Variants in NAXE observed in about 807,000 individuals in gnomAD.
The protein encoded by NAXE is NAD(P)H-hydrate epimerase.
A neutral mutation model predicts 31.2 loss-of-function variants in NAXE; 25 were observed. That is an observed-to-expected ratio of 0.80 (90% CI 0.58 to 1.12). NAXE has a LOEUF of 1.12. Among genes scored for constraint, NAXE ranks in the 50% most tolerant of loss-of-function variants. The probability of loss-of-function intolerance (pLI) is 0.00; values close to 1 mark genes in which losing one functional copy is unlikely to be tolerated. For missense variants in NAXE, 362 were observed against 376.1 expected, an observed-to-expected ratio of 0.96 and a Z score of 0.31; for synonymous variants, 144 against 154.5, an observed-to-expected ratio of 0.93 and a Z score of 0.50.
rs1677338035 is a variant in NAXE at position 156,591,955 on chromosome 1, G to A, written c.151G>A (p.Val51Ile). 1 of 1,613,202 alleles carries A rather than the reference G, an allele frequency of 6.2e-7. No individual in the cohort carries two copies. Among genetic ancestry groups the A allele is most frequent in the African/African-American group, 1.3e-5 (1 of 75,050 alleles). ...LNSGGRWDSE[V>I]MASTVVKYLS... ...CTCGGGTGGCCGCTGGGACTCAGAGGTCATGGCGAGCACGGTGGTGAAGTA... is the reference window on the plus strand; with the variant it reads ...CTCGGGTGGCCGCTGGGACTCAGAGATCATGGCGAGCACGGTGGTGAAGTA... Residue 51 changes from valine to isoleucine, a missense_variant, in exon 1 of 6, where the codon GTC becomes ATC. Coordinates refer to ENST00000368235, the MANE Select transcript of NAXE (RefSeq NM_144772.3).
At position 156,594,173 on chromosome 1, in the gene NAXE, A is replaced by G; in HGVS notation, c.*89A>G. On this transcript the variant is annotated 3_prime_UTR_variant, in exon 6 of 6. Transcript: ENST00000368235. Reference sequence around the variant, plus strand: ...TTCCTGGGAGCTCCTCTGGCAATAAAAGTCAGTGAATGGTGGAAGTCAGAG... The same window carrying G: ...TTCCTGGGAGCTCCTCTGGCAATAAGAGTCAGTGAATGGTGGAAGTCAGAG... The G allele has an allele frequency of 7.1e-7, 1 of 1,406,276 alleles. No individual in the cohort carries two copies. Among genetic ancestry groups the G allele is most frequent in the Non-Finnish European group, 9.9e-7 (1 of 1,012,834 alleles). 87.1% of individuals were successfully genotyped at this position (1,406,276 alleles called of 1,614,324 possible).
At position 156,591,790 on chromosome 1, in the gene NAXE, C is replaced by G. The variant is rs1027353974; in HGVS notation, c.-15C>G. ...GGGGCCGGGCCGGGCCGGGGGCGCG[C>G]GCTCTGCGAGCTGGATGTCCAGGCT... is the stretch of plus-strand genomic sequence containing the variant. On this transcript the variant is annotated 5_prime_UTR_variant, in exon 1 of 6. Transcript: ENST00000368235. 1.4e-5 allele frequency: 21 copies of G among 1,537,542 alleles called. No individual in the cohort carries two copies. Among genetic ancestry groups the G allele is most frequent in the Non-Finnish European group, 1.7e-5 (19 of 1,151,222 alleles).
chr1:156,594,243 AG>A lies in NAXE; in HGVS notation c.*162del, dbSNP rs1388578131. On this transcript the variant is annotated 3_prime_UTR_variant, in exon 6 of 6. Coordinates refer to ENST00000368235, the MANE Select transcript of NAXE (RefSeq NM_144772.3). ...TGCCATCTCTCTAGGGGTAACACAAAGGGCAAGAGGTTGCTATGGTATTTGG... is the reference window on the plus strand; with the variant it reads ...TGCCATCTCTCTAGGGGTAACACAAAGGCAAGAGGTTGCTATGGTATTTGG... 1.3e-5 allele frequency: 9 copies of A among 680,106 alleles called. No individual in the cohort carries two copies. In the African/African-American group the frequency reaches 1.6e-4, roughly 12 times the overall value. 42.1% of individuals were successfully genotyped at this position (680,106 alleles called of 1,614,324 possible).
intron 5 of NAXE, 94 bp from the exon 6 acceptor site, chr1:156,593,788 G>A (rs1677412910): frequency 4.9e-6 from 7 of 1,438,656 alleles, no homozygotes; most frequent in Non-Finnish European, 6.7e-6. Flanking sequence ...GGTGGGAACT[G>A]AGGGGACTTC....
rs367773742 is a variant in NAXE at position 156,593,380 on chromosome 1, C to G, written c.517-28C>G. The G allele has an allele frequency of 1.6e-5, 26 of 1,602,686 alleles. No individual in the cohort carries two copies. The African/African-American group carries it at 3.3e-4, about 21-fold the overall frequency. Reference sequence around the variant, plus strand: ...AAGGCTGTTTGTGCAGCTGCTGGCTCTGACATCCTTTTCCTGCTCCACCAC... The same window carrying G: ...AAGGCTGTTTGTGCAGCTGCTGGCTGTGACATCCTTTTCCTGCTCCACCAC... On this transcript the variant is annotated intron_variant, in intron 4 of 5. Transcript: ENST00000368235.
At chr1:156,593,656 C>T in intron 5 of NAXE, 101 bp downstream of exon 5, 2 of 1,515,116 alleles carry the variant, frequency 1.3e-6, no homozygotes, top group Non-Finnish European at 1.8e-6. Context: ...AGGGGCAGAA[C>T]ACAGCTTTCT....
intron 4 of NAXE, 46 bp downstream of exon 4, chr1:156,592,716 C>A: frequency 6.7e-7 from 1 of 1,503,604 alleles, no homozygotes; most frequent in South Asian, 1.2e-5. Flanking sequence ...TAACCACTGC[C>A]TGTGCTCTGC....
chr1:156,592,022 G>C (rs1403761919), intron 1 of NAXE, 36 bp downstream of exon 1: 1 of 1,613,386 alleles, frequency 6.2e-7, no homozygotes, highest in African/African-American at 1.3e-5. Context: ...CTCTGCCCCG[G>C]GGCGGGGCCT....
chr1:156,593,239 C>A, intron 4 of NAXE, 169 bp from the exon 5 acceptor site: 1 of 863,508 alleles, frequency 1.2e-6, no homozygotes, highest in Non-Finnish European at 1.7e-6. Flanking sequence ...CTCAATTTGG[C>A]CTGAATCAGT....
intron 4 of NAXE, 181 bp from the exon 5 acceptor site, chr1:156,593,227 G>C (rs1463044896): frequency 1.5e-5 from 11 of 715,702 alleles, no homozygotes; most frequent in Non-Finnish European, 2.1e-5. Flanking sequence ...AAACTGTCTG[G>C]TCTCAATTTG....
In NAXE at chr1:156,592,561, A is replaced by G; in HGVS notation, c.407A>G (p.Tyr136Cys). 1 of 1,614,100 alleles carries G rather than the reference A, an allele frequency of 6.2e-7. No individual in the cohort carries two copies. The highest frequency in any genetic ancestry group is 8.5e-7 in the Non-Finnish European group (1 of 1,179,982). ...VCARHLKLFG[Y>C]EPTIYYPKRP... Reference sequence around the variant, plus strand: ...GAATTACCACTTTCTTCCTAGGGCTACGAGCCAACCATCTATTACCCCAAA... The same window carrying G: ...GAATTACCACTTTCTTCCTAGGGCTGCGAGCCAACCATCTATTACCCCAAA... Residue 136 changes from tyrosine (Y) to cysteine (C), a missense_variant, in exon 4 of 6, where the codon TAC becomes TGC. Physicochemically the swap from Tyr to Cys is radical, Grantham distance 194. Transcript: ENST00000368235.
intron 5 of NAXE, 97 bp downstream of exon 5, chr1:156,593,652 A>G (rs1677407765): frequency 6.6e-7 from 1 of 1,523,982 alleles, no homozygotes; most frequent in African/African-American, 1.4e-5. Context: ...CTAGAGGGGC[A>G]GAACACAGCT....
In NAXE at chr1:156,594,131, T is replaced by C. The variant is rs1444907344; in HGVS notation, c.*47T>C. 6.3e-7 allele frequency: 1 copy of C among 1,594,388 alleles called. No homozygotes were observed. The highest frequency in any genetic ancestry group is 1.7e-5 in the Admixed American group (1 of 59,770). ...TCCCAATAAAGACTTAGAGCCCCTC[T>C]CTTCCAGAACTGTGGATTCCTGGGA... On this transcript the variant is annotated 3_prime_UTR_variant, in exon 6 of 6. Transcript: ENST00000368235.
Position 156,593,960 on chromosome 1 carries a change from C to T in NAXE, c.743C>T (p.Ala248Val). The change falls in exon 6 of 6, where the codon GCA (alanine) becomes GTA (valine). Residue 248 changes from alanine to valine, a missense_variant. By Grantham distance (64) the Ala-to-Val change is moderately conservative (BLOSUM62 0). Transcript: ENST00000368235. ...LISLTAPKKS[A>V]TQFTGRYHYL... The stretch of plus-strand genomic sequence containing the variant: ...TCCCTCACAGCCCCCAAAAAATCTG[C>T]AACCCAGTTTACCGGTCGCTACCAT... The T allele has an allele frequency of 6.2e-7, 1 of 1,614,208 alleles. No homozygotes were observed. Among genetic ancestry groups the T allele is most frequent in the Non-Finnish European group, 8.5e-7 (1 of 1,180,038 alleles).
In NAXE at chr1:156,593,495, A is replaced by G. The variant is rs1451036886; in HGVS notation, c.604A>G (p.Ser202Gly). 1.2e-6 allele frequency: 2 copies of G among 1,614,084 alleles called. No homozygotes were observed. Among genetic ancestry groups the G allele is most frequent in the Non-Finnish European group, 1.7e-6 (2 of 1,180,040 alleles). Residue 202 changes from serine to glycine, a missense_variant, in exon 5 of 6, where the codon AGC becomes GGC. Physicochemically the swap from Ser to Gly is moderately conservative, Grantham distance 56. Transcript: ENST00000368235. ...GGGCGATGTTCGGGAACCGTTCCAC[A>G]GCATCCTGAGTGTCCTGAAGGGACT... The part of the protein sequence containing the change: ...FKGDVREPFH[S>G]ILSVLKGLTV...
chr1:156,593,512 G>T lies in NAXE; in HGVS notation c.621G>T (p.Leu207=). The change falls in exon 5 of 6, where the codon CTG becomes CTT. Residue 207 remains leucine, a synonymous_variant. Coordinates refer to ENST00000368235, the MANE Select transcript of NAXE (RefSeq NM_144772.3). ...REPFHSILSV[L]KGLTVPIASI... is the part of the protein sequence containing the mutation. ...CGTTCCACAGCATCCTGAGTGTCCT[G>T]AAGGGACTCACTGTGCCCATTGCCA... is the stretch of plus-strand genomic sequence containing the variant. 6.2e-7 allele frequency: 1 copy of T among 1,614,166 alleles called. No homozygotes were observed. The highest frequency in any genetic ancestry group is 8.5e-7 in the Non-Finnish European group (1 of 1,180,026).
In NAXE at chr1:156,594,142, T is replaced by C; in HGVS notation, c.*58T>C. On this transcript the variant is annotated 3_prime_UTR_variant, in exon 6 of 6. Transcript: ENST00000368235. ...ACTTAGAGCCCCTCTCTTCCAGAAC[T>C]GTGGATTCCTGGGAGCTCCTCTGGC... The C allele has an allele frequency of 1.3e-6, 2 of 1,565,682 alleles. No individual in the cohort carries two copies. The highest frequency in any genetic ancestry group is 1.4e-5 in the African/African-American group (1 of 73,938).
In NAXE at chr1:156,591,871, A is replaced by G. The variant is rs759820260; in HGVS notation, c.67A>G (p.Lys23Glu). ...LVAGSRVPRI[K>E]SQTIACRSGP... ...TGCGGGCTCGCGCGTGCCGCGGATC[A>G]AAAGCCAGACCATCGCCTGTCGCTC... Residue 23 changes from lysine (K) to glutamate (E), a missense_variant, in exon 1 of 6, where the codon AAA (lysine) becomes GAA (glutamate). Physicochemically the swap from Lys to Glu is moderately conservative, Grantham distance 56 (BLOSUM62 1). Transcript: ENST00000368235. 2.5e-6 allele frequency: 4 copies of G among 1,612,142 alleles called. No individual in the cohort carries two copies. Among genetic ancestry groups the G allele is most frequent in the Admixed American group, 1.7e-5 (1 of 59,976 alleles).
intron 4 of NAXE, chr1:156,592,974 T>C: frequency 2.3e-6 from 1 of 434,714 alleles, no homozygotes; most frequent in Non-Finnish European, 4.1e-6. Flanking sequence ...GGGGCCGGAG[T>C]GGCTGCCCTA....
Sources: allele counts gnomAD v4.1 joint callset, GRCh38; gene constraint gnomAD v4.1.1; transcripts MANE v1.5; gene names NCBI Gene and HGNC (gene_info 2026-07-23, HGNC 2026-07-21).